The following RGS6 variants were observed in gnomAD, a reference collection of about 807,000 sequenced individuals.
The protein encoded by RGS6 is regulator of G-protein signaling 6.
Under a neutral mutation model 78.5 loss-of-function variants are expected in RGS6, and 30 were observed. That is an observed-to-expected ratio of 0.38 (90% CI 0.29 to 0.52). RGS6 has a LOEUF of 0.52. Ranked by LOEUF, RGS6 falls within the 20% of genes least tolerant of loss-of-function variation. The pLI, the probability that RGS6 is intolerant of heterozygous loss-of-function variation, is 0.85. For synonymous variants in RGS6, 206 were observed against 206.0 expected (o/e 1.00, Z 0.00); for missense variants, 495 against 609.7 (o/e 0.81, Z 1.98).
At chr14:72,130,951 C>A (rs1167877484) in intron 2 of RGS6, among the ~76,000 whole-genome samples, 2 of 152,208 alleles carry the variant, frequency 1.3e-5, no homozygotes, top group African/African-American at 4.8e-5. Flanking sequence ...CCCCTTGTGA[C>A]TCCTTTTGCA....
the RGS6 span, among the ~76,000 whole-genome samples, chr14:71,923,836 T>G: frequency 1.3e-5 from 2 of 151,188 alleles, no homozygotes; most frequent in Non-Finnish European, 2.9e-5. Flanking sequence ...TGTAGGGGGG[T>G]GGGGCATTAA....
At chr14:72,298,089 G>A (rs186615332) in intron 2 of RGS6, among the ~76,000 whole-genome samples, 9 of 151,960 alleles carry the variant, frequency 5.9e-5, no homozygotes, top group East Asian at 1.9e-4. Context: ...AGCTGACATC[G>A]GTCAAGAACT....
intron 2 of RGS6, among the ~76,000 whole-genome samples, chr14:72,315,330 T>G (rs891087873): frequency 6.6e-6 from 1 of 152,258 alleles, no homozygotes; most frequent in Non-Finnish European, 1.5e-5. Flanking sequence ...TACACTGGCT[T>G]CTTCCTTTTT....
At chr14:72,424,503 T>A (rs1387907222) in intron 3 of RGS6, among the ~76,000 whole-genome samples, 1 of 152,136 alleles carries the variant, frequency 6.6e-6, no homozygotes, top group Non-Finnish European at 1.5e-5. Flanking sequence ...TGGTGAAAAC[T>A]CTTAAAGGAG....
intron 2 of RGS6, among the ~76,000 whole-genome samples, chr14:72,056,908 ATAATTACTCTCAT>A (rs1426675516): frequency 6.6e-6 from 1 of 152,232 alleles, no homozygotes; most frequent in Non-Finnish European, 1.5e-5. Flanking sequence ...CAAAAACCTC[ATAATTACTCTCAT>A]TAATTACATA....
At chr14:72,480,359 C>G (rs953385952) in intron 12 of RGS6, among the ~76,000 whole-genome samples, 11 of 152,178 alleles carry the variant, frequency 7.2e-5, no homozygotes, top group African/African-American at 2.7e-4. Context: ...GGAGCCCGGC[C>G]CATCCTATTG....
intron 1 of RGS6, among the ~76,000 whole-genome samples, chr14:71,956,811 C>G (rs2092826094): frequency 1.3e-5 from 2 of 152,026 alleles, no homozygotes; most frequent in African/African-American, 4.8e-5. Context: ...AGGGGAGATG[C>G]AGGAGTAGAG....
chr14:72,377,686 A>G (rs1024321135), intron 3 of RGS6, among the ~76,000 whole-genome samples: 2 of 152,200 alleles, frequency 1.3e-5, no homozygotes, highest in African/African-American at 4.8e-5. Flanking sequence ...TTCAAAATCA[A>G]AATTATGGCC....
At chr14:72,114,260 G>A (rs933915858) in intron 2 of RGS6, among the ~76,000 whole-genome samples, 11 of 152,182 alleles carry the variant, frequency 7.2e-5, no homozygotes, top group African/African-American at 1.7e-4. Flanking sequence ...ATCTTCTCCC[G>A]TCTGTCAATG....
chr14:72,130,368 T>C (rs2096288566), intron 2 of RGS6, among the ~76,000 whole-genome samples: 1 of 152,106 alleles, frequency 6.6e-6, no homozygotes, highest in Non-Finnish European at 1.5e-5. Flanking sequence ...TAATTGGCCA[T>C]TGATGGTTAA....
intron 2 of RGS6, among the ~76,000 whole-genome samples, chr14:72,185,889 C>G (rs1297566302): frequency 6.6e-6 from 1 of 152,238 alleles, no homozygotes; most frequent in Non-Finnish European, 1.5e-5. Flanking sequence ...CCGCAATGAG[C>G]TCAGGCCACT....
At chr14:72,482,532 C>G (rs1478618966) in intron 12 of RGS6, among the ~76,000 whole-genome samples, 1 of 152,212 alleles carries the variant, frequency 6.6e-6, no homozygotes, top group Non-Finnish European at 1.5e-5. Flanking sequence ...CTGGTCTCAG[C>G]CATGTTTCTC....
chr14:72,274,281 A>G (rs965189697), intron 2 of RGS6, among the ~76,000 whole-genome samples: 1 of 152,114 alleles, frequency 6.6e-6, no homozygotes, highest in Non-Finnish European at 1.5e-5. Context: ...CCTCTGCTAG[A>G]GTCTATTAGG....
intron 2 of RGS6, among the ~76,000 whole-genome samples, chr14:72,117,676 A>G (rs537544357): frequency 1.3e-4 from 20 of 152,316 alleles, no homozygotes; most frequent in East Asian, 9.6e-4. Flanking sequence ...GACCTTGTGC[A>G]TGGGTCATGG....
chr14:71,888,003 C>T, the RGS6 span, among the ~76,000 whole-genome samples: 6 of 152,098 alleles, frequency 3.9e-5, no homozygotes, highest in Admixed American at 6.5e-5. Flanking sequence ...ACGGTCCTAC[C>T]GATATGTGAC....
chr14:71,880,289 T>G, the RGS6 span, among the ~76,000 whole-genome samples: 1 of 152,204 alleles, frequency 6.6e-6, no homozygotes, highest in East Asian at 1.9e-4. Context: ...GACAATGCTG[T>G]AGAAAAGAAA....
At chr14:72,207,340 T>G (rs527920527) in intron 2 of RGS6, among the ~76,000 whole-genome samples, 2 of 152,328 alleles carry the variant, frequency 1.3e-5, no homozygotes, top group East Asian at 1.9e-4. Context: ...ATGTTATGGT[T>G]TTTAGGTATA....
chr14:72,288,303 A>G (rs1222491287), intron 2 of RGS6, among the ~76,000 whole-genome samples: 1 of 152,186 alleles, frequency 6.6e-6, no homozygotes, highest in Non-Finnish European at 1.5e-5. Flanking sequence ...AGACTCTTCT[A>G]ATTATCCTGG....
At chr14:72,412,783 G>A (rs1384276363) in intron 3 of RGS6, among the ~76,000 whole-genome samples, 3 of 152,098 alleles carry the variant, frequency 2.0e-5, no homozygotes. Context: ...GTTCTCTTTG[G>A]TTTCAAAGAA....
Sources: gnomAD v4.1 joint callset for allele counts (sites outside exome capture counted in the v4.1 genomes callset) on GRCh38, gnomAD v4.1.1 for gene constraint, MANE v1.5 for transcripts, NCBI Gene and HGNC (gene_info 2026-07-23, HGNC 2026-07-21) for gene names.